Variants in ZMYND11 observed in about 807,000 individuals in gnomAD.
ZMYND11 encodes the protein zinc finger MYND-type containing 11, also known as zinc finger MYND domain-containing protein 11.
A neutral mutation model predicts 84.9 loss-of-function variants in ZMYND11; 9 were observed. The ratio of observed to expected loss-of-function variants is 0.11; its 90% CI spans 0.06 to 0.18. The LOEUF (loss-of-function observed/expected upper bound fraction) is 0.18, where lower values mean the gene tolerates loss of function less well. Ranked by LOEUF, ZMYND11 falls within the 10% of genes least tolerant of loss-of-function variation. The probability of loss-of-function intolerance (pLI) is 1.00; values close to 1 mark genes in which losing one functional copy is unlikely to be tolerated. For missense variants in ZMYND11, 409 were observed against 761.0 expected, an observed-to-expected ratio of 0.54 and a Z score of 5.44; for synonymous variants, 250 against 244.1, an observed-to-expected ratio of 1.02 and a Z score of -0.23.
intron 10 of ZMYND11, among the ~76,000 whole-genome samples, chr10:242,354 AAC>A (rs1392821658): frequency 1.1e-4 from 16 of 152,200 alleles, no homozygotes; most frequent in African/African-American, 3.9e-4. Flanking sequence ...GACACTGTTG[AAC>A]TTCAGAAGCA....
intron 2 of ZMYND11, among the ~76,000 whole-genome samples, chr10:190,017 A>G (rs892741804): frequency 2.6e-5 from 4 of 152,226 alleles, no homozygotes; most frequent in Non-Finnish European, 5.9e-5. Flanking sequence ...AAAGGCAGAA[A>G]GAGTTAGACC....
At chr10:249,286 C>G (rs948400596) in intron 14 of ZMYND11, 198 bp downstream of exon 14, 2 of 1,418,360 alleles carry the variant, frequency 1.4e-6, no homozygotes, top group African/African-American at 2.9e-5. Flanking sequence ...TTACTGTGTA[C>G]TGCTCAGGAT....
chr10:170,984 T>C (rs1448147871), intron 1 of ZMYND11, among the ~76,000 whole-genome samples: 6 of 152,020 alleles, frequency 3.9e-5, no homozygotes, highest in Non-Finnish European at 8.8e-5. Context: ...ATAAAGAATA[T>C]AGCATGGTAA....
At chr10:138,465 T>C (rs1306700080) in intron 1 of ZMYND11, among the ~76,000 whole-genome samples, 4 of 152,198 alleles carry the variant, frequency 2.6e-5, no homozygotes, top group African/African-American at 4.8e-5. Flanking sequence ...GAATGACATA[T>C]GTTTATTTGG....
rs569845836 is a variant in ZMYND11 at position 247,551 on chromosome 10, A to G, written c.1227+85A>G. On this transcript the variant is annotated intron_variant, in intron 12 of 14. Transcript: ENST00000381604. ...ATTTTGTATTTTCAAAGTATTTCAA[A>G]GACAGTCACTCTTGGTGGATACTTG... 7.6e-5 allele frequency: 107 copies of G among 1,414,392 alleles called. No homozygotes were observed. The East Asian group carries it at 2.6e-3, about 35-fold the overall frequency. 87.6% of individuals were successfully genotyped at this position (1,414,392 alleles called of 1,614,324 possible). A position where few individuals can be genotyped will look rare whatever the true frequency, so the allele number is the denominator to read the frequency against.
chr10:180,059 A>G lies in ZMYND11; in HGVS notation c.47A>G (p.Gln16Arg), dbSNP rs1847515991. The G allele has an allele frequency of 1.2e-6, 2 of 1,613,908 alleles. No individual in the cohort carries two copies. The highest frequency in any genetic ancestry group is 8.5e-7 in the Non-Finnish European group (1 of 1,179,822). ...KRRQADTKAI[Q>R]HLWAAIEIIR... ...CGACAGGCGGATACAAAAGCTATCC[A>G]GCATCTTTGGGCAGCCATTGAGATT... The change falls in exon 2 of 15, where the codon CAG becomes CGG. Residue 16 changes from glutamine (Q) to arginine (R), a missense_variant. Gln to Arg is a conservative substitution (Grantham distance 43, BLOSUM62 1). Transcript: ENST00000381604.
intron 1 of ZMYND11, among the ~76,000 whole-genome samples, chr10:178,002 TG>T (rs1340545213): frequency 6.6e-6 from 1 of 152,196 alleles, no homozygotes; most frequent in Admixed American, 6.5e-5. Context: ...TGCTTTAAAC[TG>T]CCAATTATCT....
At chr10:200,268 T>C (rs1942849031) in intron 2 of ZMYND11, among the ~76,000 whole-genome samples, 1 of 139,084 alleles carries the variant, frequency 7.2e-6, no homozygotes, top group African/African-American at 2.6e-5. Context: ...AATATATAAT[T>C]ATATATAATA....
At chr10:230,779 C>T (rs1165988375) in intron 4 of ZMYND11, among the ~76,000 whole-genome samples, 1 of 152,144 alleles carries the variant, frequency 6.6e-6, no homozygotes, top group African/African-American at 2.4e-5. Context: ...TCCTCATATT[C>T]TTGAGTTTAG....
In ZMYND11 at chr10:242,097, A is replaced by T; in HGVS notation, c.908A>T (p.Asp303Val). The T allele has an allele frequency of 6.2e-7, 1 of 1,614,082 alleles. No individual in the cohort carries two copies. The highest frequency in any genetic ancestry group is 1.1e-5 in the South Asian group (1 of 91,082). Residue 303 changes from aspartate to valine, a missense_variant, in exon 10 of 15, where the codon GAC becomes GTC. Physicochemically the swap from Asp to Val is radical, Grantham distance 152. Transcript: ENST00000381604. ...CCAGCCAAAGTCATGCAGAAAGAAG[A>T]CAATCAAGTCGACGTTCGCTTCTTT... ...FWPAKVMQKE[D>V]NQVDVRFFGH...
Position 252,257 on chromosome 10 carries a change from TAAAAGCACCACCTC to T in ZMYND11, c.1687-88_1687-75del. 1 of 1,471,436 alleles carries T rather than the reference TAAAAGCACCACCTC, an allele frequency of 6.8e-7. No individual in the cohort carries two copies. Among genetic ancestry groups the T allele is most frequent in the Non-Finnish European group, 9.2e-7 (1 of 1,082,446 alleles). 91.1% of individuals were successfully genotyped at this position (1,471,436 alleles called of 1,614,324 possible). A position where few individuals can be genotyped will look rare whatever the true frequency, so the allele number is the denominator to read the frequency against. ...AAAAGGTTGAGCCAGAAAGATCTTTTAAAAGCACCACCTCAAGAGTTTGCCATTTTAACCAGTCG... is the reference window on the plus strand; with the variant it reads ...AAAAGGTTGAGCCAGAAAGATCTTTTAAGAGTTTGCCATTTTAACCAGTCG... On this transcript the variant is annotated intron_variant, in intron 14 of 14. Coordinates refer to ENST00000381604, the MANE Select transcript of ZMYND11 (RefSeq NM_001370100.5). This position sits in a 1 kb window ranked among gnomAD's most constrained non-coding sequence, Gnocchi z 4.6.
intron 3 of ZMYND11, among the ~76,000 whole-genome samples, chr10:216,107 T>G (rs938959758): frequency 1.3e-5 from 2 of 152,318 alleles, no homozygotes; most frequent in East Asian, 1.9e-4. Flanking sequence ...TATATTTCTC[T>G]TGAAATTTAG....
chr10:145,131 T>G (rs908487268), intron 1 of ZMYND11, among the ~76,000 whole-genome samples: 7 of 151,212 alleles, frequency 4.6e-5, no homozygotes, highest in African/African-American at 1.7e-4. Flanking sequence ...CTGAGAGTAT[T>G]CCATATATAT....
At chr10:235,235 G>T (rs1209137892) in intron 4 of ZMYND11, among the ~76,000 whole-genome samples, 2 of 152,140 alleles carry the variant, frequency 1.3e-5, no homozygotes, top group African/African-American at 4.8e-5. Context: ...TTCAATGTTT[G>T]TTTAAAGTTT....
At chr10:213,988 A>G (rs1945727645) in intron 3 of ZMYND11, among the ~76,000 whole-genome samples, 1 of 152,210 alleles carries the variant, frequency 6.6e-6, no homozygotes, top group South Asian at 2.1e-4. Context: ...GTCAGGATAT[A>G]GTTATAAATA....
chr10:198,118 T>A, intron 2 of ZMYND11: 3 of 371,848 alleles, frequency 8.1e-6, no homozygotes, highest in East Asian at 4.0e-5. Context: ...AAATTGAGAT[T>A]TTAAATTAAA....
At chr10:178,080 G>A (rs1554767291) in intron 1 of ZMYND11, among the ~76,000 whole-genome samples, 2 of 152,186 alleles carry the variant, frequency 1.3e-5, no homozygotes, top group Non-Finnish European at 2.9e-5. Flanking sequence ...ATTTTGCAGA[G>A]TTCCTCATCT....
chr10:155,354 A>G (rs1045935718), intron 1 of ZMYND11, among the ~76,000 whole-genome samples: 4 of 152,182 alleles, frequency 2.6e-5, no homozygotes, highest in African/African-American at 9.6e-5. Context: ...CTTATGGTAT[A>G]TAAAGAATTT....
chr10:209,167 C>T (rs1158607908), intron 2 of ZMYND11, among the ~76,000 whole-genome samples: 7 of 151,606 alleles, frequency 4.6e-5, no homozygotes, highest in African/African-American at 1.2e-4. Flanking sequence ...GCAAATATGC[C>T]GAATATTAAC....
Sources: gnomAD v4.1 joint callset for allele counts (sites outside exome capture counted in the v4.1 genomes callset) on GRCh38, gnomAD v4.1.1 for gene constraint, Gnocchi (gnomAD v3.1) non-coding constraint, MANE v1.5 for transcripts, NCBI Gene and HGNC (gene_info 2026-07-23, HGNC 2026-07-21) for gene names.